The following WWC1 variants were observed in gnomAD, a reference collection of about 807,000 sequenced individuals.
WWC1 encodes WW and C2 domain containing 1.
In WWC1, 55 loss-of-function variants were observed where a neutral mutation model predicts 138.4. That is an observed-to-expected ratio of 0.40 (90% CI 0.32 to 0.50). The LOEUF is 0.50. Ranked by LOEUF, WWC1 falls within the 20% of genes least tolerant of loss-of-function variation. WWC1 has a pLI of 0.72. For synonymous variants in WWC1, 524 were observed against 564.9 expected (o/e 0.93, Z 1.03); for missense variants, 1,226 against 1,420.4 (o/e 0.86, Z 2.20).
At chr5:168,377,692 G>A (rs944231167) in intron 2 of WWC1, among the ~76,000 whole-genome samples, 2 of 152,220 alleles carry the variant, frequency 1.3e-5, no homozygotes, top group South Asian at 2.1e-4. Flanking sequence ...CTCCACATCC[G>A]TGATCATCAG....
chr5:168,363,289 C>T (rs1296788614), intron 1 of WWC1, among the ~76,000 whole-genome samples: 6 of 151,818 alleles, frequency 4.0e-5, no homozygotes, highest in South Asian at 2.1e-4. Flanking sequence ...TTTGGGAGGC[C>T]GAGGCAGGAG....
At chr5:168,372,053 T>TTGTGTG (rs10595228) in intron 2 of WWC1, among the ~76,000 whole-genome samples, 1,424 of 141,342 alleles carry the variant, frequency 0.01, 22 homozygotes, top group East Asian at 0.028. Flanking sequence ...AAGAGTGTGT[T>TTGTGTG]TGTGTGTGTG....
At chr5:168,360,461 T>C (rs1306278727) in intron 1 of WWC1, among the ~76,000 whole-genome samples, 1 of 152,202 alleles carries the variant, frequency 6.6e-6, no homozygotes, top group Non-Finnish European at 1.5e-5. Flanking sequence ...AAGGAAGCGA[T>C]CTATTTTACA....
intron 2 of WWC1, among the ~76,000 whole-genome samples, chr5:168,384,207 G>A (rs1174629715): frequency 3.9e-5 from 6 of 152,092 alleles, no homozygotes; most frequent in South Asian, 2.1e-4. Flanking sequence ...ACCTCTCTAC[G>A]TCTCAGTTTT....
At chr5:168,333,542 A>G (rs1461723804) in intron 1 of WWC1, among the ~76,000 whole-genome samples, 1 of 152,168 alleles carries the variant, frequency 6.6e-6, no homozygotes, top group Non-Finnish European at 1.5e-5. Context: ...AGAGGTTCAT[A>G]ATGATGGGCA....
At chr5:168,374,311 G>C (rs987113104) in intron 2 of WWC1, among the ~76,000 whole-genome samples, 1 of 152,128 alleles carries the variant, frequency 6.6e-6, no homozygotes, top group Admixed American at 6.6e-5. Context: ...GAGCAAAGTC[G>C]GGAGCTGAGG....
intron 11 of WWC1, 119 bp from the exon 12 acceptor site, chr5:168,427,914 T>G: frequency 1.4e-6 from 1 of 719,000 alleles, no homozygotes; most frequent in Non-Finnish European, 2.3e-6. Context: ...TGAGCCATGA[T>G]TGTGCCACTG....
chr5:168,349,192 C>T (rs1229312949), intron 1 of WWC1, among the ~76,000 whole-genome samples: 2 of 152,086 alleles, frequency 1.3e-5, no homozygotes, highest in Middle Eastern at 3.2e-3. Context: ...CTTTCATTAC[C>T]GAATTCCCAT....
rs1042971700 is a variant in WWC1 at position 168,466,314 on chromosome 5, T to C, written c.3150+1352T>C. ...TGCAAGGGCCAATATAGGACCAATA[T>C]AGGACCAATATGAAAAATTTCATAA... On this transcript the variant is annotated intron_variant, in intron 21 of 22. Coordinates refer to ENST00000265293, the MANE Select transcript of WWC1 (RefSeq NM_015238.3). Among the ~76,000 whole-genome samples, 7 of 152,152 alleles carry C rather than the reference T, an allele frequency of 4.6e-5. No individual in the cohort carries two copies. The South Asian group carries it at 1.5e-3, about 32-fold the overall frequency.
rs745971725 is a variant in WWC1, at chr5:168,332,017, G to A, written c.120-39407G>A. On this transcript the variant is annotated intron_variant, in intron 1 of 22. Coordinates refer to ENST00000265293, the MANE Select transcript of WWC1 (RefSeq NM_015238.3). ...AAAAATTAGCCGGGCGTGGTGGTAC[G>A]TGCCTATAATCCCAGTTACTTAGGA... Among the ~76,000 whole-genome samples the A allele has an allele frequency of 5.3e-5, 8 of 152,118 alleles. No homozygotes were observed. The East Asian group carries it at 1.2e-3, about 22-fold the overall frequency.
chr5:168,361,530 C>G (rs951918247), intron 1 of WWC1, among the ~76,000 whole-genome samples: 2 of 152,084 alleles, frequency 1.3e-5, no homozygotes, highest in African/African-American at 4.8e-5. Context: ...CTATCAATAC[C>G]TATTTCTTGG....
At position 168,397,579 on chromosome 5, in the gene WWC1, T is replaced by G. The variant is rs1778996171; in HGVS notation, c.434-145T>G. 4.4e-5 allele frequency: 33 copies of G among 747,106 alleles called. No individual in the cohort carries two copies. The South Asian group carries it at 5.5e-4, about 12-fold the overall frequency. 46.3% of individuals were successfully genotyped at this position (747,106 alleles called of 1,614,324 possible). On this transcript the variant is annotated intron_variant, in intron 3 of 22. Transcript: ENST00000265293. ...TCCCCGTTTGCGCGTGTACCATCTT[T>G]ATGTAACAAATCCCCCTTTGTTGAA...
intron 1 of WWC1, among the ~76,000 whole-genome samples, chr5:168,327,646 G>A (rs1379127348): frequency 6.6e-6 from 1 of 152,222 alleles, no homozygotes; most frequent in Non-Finnish European, 1.5e-5. Context: ...ATGCCCAGGG[G>A]CTCTGGATCT....
At chr5:168,323,345 A>C (rs926521444) in intron 1 of WWC1, among the ~76,000 whole-genome samples, 3 of 152,184 alleles carry the variant, frequency 2.0e-5, no homozygotes, top group Non-Finnish European at 2.9e-5. Context: ...CAGGAGTTCA[A>C]GACCAGCCTG....
chr5:168,467,553 C>T, intron 21 of WWC1: 1 of 331,598 alleles, frequency 3.0e-6, no homozygotes, highest in East Asian at 5.6e-5. Flanking sequence ...AACATCTACC[C>T]TCCTAGGTGG....
rs76788701 is a variant in WWC1 at position 168,432,009 on chromosome 5, C to T, written c.2280+565C>T. Among the ~76,000 whole-genome samples, 642 of 149,510 alleles carry T rather than the reference C, an allele frequency of 4.3e-3. 4 individuals carry two copies. The highest frequency in any genetic ancestry group is 0.014 in the African/African-American group (583 of 40,436). On this transcript the variant is annotated intron_variant, in intron 15 of 22. Transcript: ENST00000265293. ...TTGAGCTGCAATGAGCTGATCATGC[C>T]GCAGCATTCTGGCCTGGGCAACAGC...
In WWC1 at chr5:168,292,386, G is replaced by A; in HGVS notation, c.119+115G>A. The A allele has an allele frequency of 7.9e-7, 1 of 1,264,232 alleles. No individual in the cohort carries two copies. The highest frequency in any genetic ancestry group is 1.1e-6 in the Non-Finnish European group (1 of 923,024). The allele number at this position is 1,264,232 out of a possible 1,614,324, so 78.3% of individuals were successfully genotyped here. On this transcript the variant is annotated intron_variant, in intron 1 of 22. Transcript: ENST00000265293. This position sits in a 1 kb window ranked among gnomAD's most constrained non-coding sequence, Gnocchi z 4.4. ...CAGGGGAGCTCTGCGTGCCTCTTGAGCTCTCTTCAGTTCGCCACCCCCTGC... is the reference window on the plus strand; with the variant it reads ...CAGGGGAGCTCTGCGTGCCTCTTGAACTCTCTTCAGTTCGCCACCCCCTGC...
intron 1 of WWC1, among the ~76,000 whole-genome samples, chr5:168,320,709 C>T (rs1771998340): frequency 6.6e-6 from 1 of 152,080 alleles, no homozygotes; most frequent in Non-Finnish European, 1.5e-5. Flanking sequence ...GAGGCTTTTT[C>T]AAGTAGAGCA....
chr5:168,358,783 C>CAT (rs60612991), intron 1 of WWC1, among the ~76,000 whole-genome samples: 16,068 of 148,844 alleles, frequency 0.11, 1,453 homozygotes, highest in East Asian at 0.44. Flanking sequence ...CTTTGACACG[C>CAT]ATATATATAT....
Sources: gnomAD v4.1 joint callset for allele counts (sites outside exome capture counted in the v4.1 genomes callset) on GRCh38, gnomAD v4.1.1 for gene constraint, Gnocchi (gnomAD v3.1) non-coding constraint, MANE v1.5 for transcripts, NCBI Gene and HGNC (gene_info 2026-07-23, HGNC 2026-07-21) for gene names.